The following MACROD2 variants were observed in gnomAD, a reference collection of about 807,000 sequenced individuals.
MACROD2 encodes the protein ADP-ribose glycohydrolase MACROD2.
A neutral mutation model predicts 70.4 loss-of-function variants in MACROD2; 36 were observed. The observed-to-expected ratio is 0.51, with a 90% CI of 0.39 to 0.68. MACROD2 has a LOEUF of 0.68. Ranked by LOEUF, MACROD2 falls within the 30% of genes least tolerant of loss-of-function variation. The pLI is 0.00. For synonymous variants in MACROD2, 172 were observed against 178.8 expected (o/e 0.96, Z 0.30); for missense variants, 496 against 538.4 (o/e 0.92, Z 0.78).
chr20:15,305,535 G>A (rs942589453), intron 6 of MACROD2, among the ~76,000 whole-genome samples: 1 of 151,986 alleles, frequency 6.6e-6, no homozygotes, highest in Non-Finnish European at 1.5e-5. Context: ...AAGTCCAGTC[G>A]AGTTACTGTG....
In MACROD2 at chr20:15,705,723, C is replaced by T. The variant is rs138975290; in HGVS notation, c.646-157022C>T. 5.6e-3 allele frequency among the ~76,000 whole-genome samples: 856 copies of T among 152,270 alleles called. 12 individuals are homozygous for T. Among genetic ancestry groups the T allele is most frequent in the African/African-American group, 0.019 (809 of 41,560 alleles). On this transcript the variant is annotated intron_variant, in intron 8 of 17. Coordinates refer to ENST00000684519, the MANE Select transcript of MACROD2 (RefSeq NM_001351661.2). ...GCACCCAGATCCAAAGCATCTTTTACAACATGTAATTTGGAAATATCAATG... is the reference window on the plus strand; with the variant it reads ...GCACCCAGATCCAAAGCATCTTTTATAACATGTAATTTGGAAATATCAATG...
At chr20:15,422,173 A>G (rs1178339218) in intron 6 of MACROD2, among the ~76,000 whole-genome samples, 2 of 152,194 alleles carry the variant, frequency 1.3e-5, no homozygotes, top group African/African-American at 4.8e-5. Context: ...ATTTTATTAA[A>G]GCATGATGGG....
At chr20:14,017,028 T>G (rs1322288198) in intron 2 of MACROD2, among the ~76,000 whole-genome samples, 1 of 152,150 alleles carries the variant, frequency 6.6e-6, no homozygotes, top group Non-Finnish European at 1.5e-5. Flanking sequence ...CTTTTAGCAC[T>G]GTTTTGTAGT....
chr20:14,518,325 G>A (rs1276719186), intron 4 of MACROD2, among the ~76,000 whole-genome samples: 1 of 151,864 alleles, frequency 6.6e-6, no homozygotes, highest in Non-Finnish European at 1.5e-5. Context: ...TCTTAAATTG[G>A]AAACAAAGAC....
intron 5 of MACROD2, among the ~76,000 whole-genome samples, chr20:14,821,228 A>G (rs927943479): frequency 6.6e-6 from 1 of 152,126 alleles, no homozygotes; most frequent in Non-Finnish European, 1.5e-5. Context: ...GTATACTAAA[A>G]TGAGCATAAT....
At chr20:15,778,992 G>A (rs1252852019) in intron 8 of MACROD2, among the ~76,000 whole-genome samples, 1 of 152,082 alleles carries the variant, frequency 6.6e-6, no homozygotes, top group Non-Finnish European at 1.5e-5. Flanking sequence ...AGAAAAAAAT[G>A]TAACAACAGA....
chr20:14,092,080 T>G (rs1248313986), intron 3 of MACROD2, among the ~76,000 whole-genome samples: 2 of 152,224 alleles, frequency 1.3e-5, no homozygotes, highest in African/African-American at 4.8e-5. Flanking sequence ...GTTCAGTTTT[T>G]CTACATCCTT....
intron 6 of MACROD2, among the ~76,000 whole-genome samples, chr20:15,351,954 T>G (rs1186315874): frequency 6.6e-6 from 1 of 152,148 alleles, no homozygotes; most frequent in Non-Finnish European, 1.5e-5. Context: ...GTGGAAGACA[T>G]TTTAGTGCAG....
intron 6 of MACROD2, among the ~76,000 whole-genome samples, chr20:15,371,982 T>C (rs2146263270): frequency 6.6e-6 from 1 of 152,370 alleles, no homozygotes; most frequent in Admixed American, 6.5e-5. Flanking sequence ...TTTTCATAAA[T>C]ATTTTACCAC....
At chr20:15,322,169 G>GT (rs2077880597) in intron 6 of MACROD2, among the ~76,000 whole-genome samples, 1 of 143,490 alleles carries the variant, frequency 7.0e-6, no homozygotes, top group Admixed American at 7.0e-5. Flanking sequence ...TCCTCAAATG[G>GT]TTTTGTGGTT....
At chr20:15,422,512 T>G (rs1030785743) in intron 6 of MACROD2, among the ~76,000 whole-genome samples, 6 of 152,182 alleles carry the variant, frequency 3.9e-5, no homozygotes, top group African/African-American at 1.4e-4. Context: ...AGCTTTTCTC[T>G]TCTCCATGTT....
intron 2 of MACROD2, among the ~76,000 whole-genome samples, chr20:14,052,739 A>G (rs1007731315): frequency 6.6e-6 from 1 of 152,222 alleles, no homozygotes; most frequent in East Asian, 1.9e-4. Context: ...AATTTCTCAG[A>G]GGTTTTCTAA....
chr20:16,005,867 C>T (rs2066780714), intron 15 of MACROD2, among the ~76,000 whole-genome samples: 1 of 152,176 alleles, frequency 6.6e-6, no homozygotes, highest in African/African-American at 2.4e-5. Context: ...GCTAGCTGCC[C>T]TCTTCCTTTT....
intron 5 of MACROD2, among the ~76,000 whole-genome samples, chr20:14,788,991 A>G (rs902428195): frequency 6.6e-6 from 1 of 150,874 alleles, no homozygotes; most frequent in South Asian, 2.1e-4. Flanking sequence ...CTGGTCTCGA[A>G]CTCCTGACCT....
rs897489915 is a variant in MACROD2, at chr20:15,523,999, A to G, written c.645+24152A>G. ...CACAGCTAAGTTCCATGATCAAGGT[A>G]GTAAATGTCCCTGCTGTATGTACCT... On this transcript the variant is annotated intron_variant, in intron 8 of 17. Transcript: ENST00000684519. Among the ~76,000 whole-genome samples, 3 of 152,138 alleles carry G rather than the reference A, an allele frequency of 2.0e-5. No individual in the cohort carries two copies. The East Asian group carries it at 5.8e-4, about 29-fold the overall frequency.
intron 8 of MACROD2, among the ~76,000 whole-genome samples, chr20:15,641,249 A>G (rs1279148795): frequency 6.6e-6 from 1 of 152,020 alleles, no homozygotes; most frequent in Non-Finnish European, 1.5e-5. Flanking sequence ...CTTTCATCCA[A>G]CTGCTTTCTC....
At chr20:14,188,955 C>G (rs2081364893) in intron 3 of MACROD2, among the ~76,000 whole-genome samples, 1 of 152,142 alleles carries the variant, frequency 6.6e-6, no homozygotes, top group Non-Finnish European at 1.5e-5. Flanking sequence ...GCTTCTCATT[C>G]TATTTCACTT....
chr20:15,908,516 C>T (rs1271705055), intron 10 of MACROD2, among the ~76,000 whole-genome samples: 1 of 152,200 alleles, frequency 6.6e-6, no homozygotes, highest in Non-Finnish European at 1.5e-5. Context: ...TTGAATGTGT[C>T]CTGCTTCCTG....
intron 4 of MACROD2, among the ~76,000 whole-genome samples, chr20:14,500,378 C>T (rs141798867): frequency 9.8e-5 from 15 of 152,358 alleles, no homozygotes; most frequent in Non-Finnish European, 2.1e-4. Context: ...CTTGTGATTA[C>T]CTCACCTGCT....
Sources: gnomAD v4.1 joint callset for allele counts (sites outside exome capture counted in the v4.1 genomes callset) on GRCh38, gnomAD v4.1.1 for gene constraint, MANE v1.5 for transcripts, NCBI Gene and HGNC (gene_info 2026-07-23, HGNC 2026-07-21) for gene names.